Variants in SNX18 observed in about 807,000 individuals in gnomAD.
SNX18 encodes the protein sorting nexin 18, also known as sorting nexin-18.
A neutral mutation model predicts 48.7 loss-of-function variants in SNX18; 35 were observed. That is an observed-to-expected ratio of 0.72 (90% CI 0.55 to 0.95). SNX18 has a LOEUF of 0.95. Among genes scored for constraint, SNX18 ranks in the 40% least tolerant of loss-of-function variants. The pLI is 0.00. For missense variants in SNX18, 824 were observed against 871.0 expected (o/e 0.95, Z 0.68); for synonymous variants, 492 against 384.7 (o/e 1.28, Z -3.26).
the SNX18 span, among the ~76,000 whole-genome samples, chr5:54,559,432 C>A: frequency 6.6e-6 from 1 of 152,128 alleles, no homozygotes; most frequent in Non-Finnish European, 1.5e-5. Context: ...CACCTACAAC[C>A]ATCTGATTAG....
At chr5:54,608,299 C>T in the SNX18 span, among the ~76,000 whole-genome samples, 2 of 152,134 alleles carry the variant, frequency 1.3e-5, no homozygotes, top group Admixed American at 6.6e-5. Context: ...GCTTATTTGC[C>T]ATCCGTATAG....
At chr5:54,565,617 T>TTATAAAGG in the SNX18 span, among the ~76,000 whole-genome samples, 1 of 152,154 alleles carries the variant, frequency 6.6e-6, no homozygotes, top group Non-Finnish European at 1.5e-5. Flanking sequence ...ATACAGGTAT[T>TTATAAAGG]CATGATATTG....
the SNX18 span, among the ~76,000 whole-genome samples, chr5:54,615,126 G>A: frequency 6.6e-6 from 1 of 152,316 alleles, no homozygotes; most frequent in African/African-American, 2.4e-5. Context: ...CTGGGAGGAA[G>A]CCTGACCCTT....
the SNX18 span, among the ~76,000 whole-genome samples, chr5:54,557,326 C>G: frequency 6.6e-6 from 1 of 152,190 alleles, no homozygotes; most frequent in Admixed American, 6.5e-5. Context: ...CCATCCATTG[C>G]AACTTATGTG....
intron 1 of SNX18, among the ~76,000 whole-genome samples, chr5:54,524,672 A>G (rs1416631063): frequency 6.6e-6 from 1 of 152,244 alleles, no homozygotes; most frequent in Non-Finnish European, 1.5e-5. Flanking sequence ...ATCATTAACT[A>G]AAGGATTATA....
chr5:54,565,298 G>A, the SNX18 span, among the ~76,000 whole-genome samples: 2,171 of 152,250 alleles, frequency 0.014, 64 homozygotes, highest in African/African-American at 0.049. Flanking sequence ...AGTCCATCCC[G>A]TAGAAAGAAT....
chr5:54,536,972 G>C lies in SNX18; in HGVS notation c.1622-6207G>C, dbSNP rs777890402. Among the ~76,000 whole-genome samples, 93 of 152,160 alleles carry C rather than the reference G, an allele frequency of 6.1e-4. 2 individuals carry two copies. The highest frequency in any genetic ancestry group is 2.1e-4 in the Non-Finnish European group (14 of 68,034). ...TTGTGGTTTTGATTTGCATTTCTCTGATGGCCAGTGATGATGAACATTTCT... is the reference window on the plus strand; with the variant it reads ...TTGTGGTTTTGATTTGCATTTCTCTCATGGCCAGTGATGATGAACATTTCT... On this transcript the variant is annotated intron_variant, in intron 1 of 1. Coordinates refer to ENST00000381410, the MANE Select transcript of SNX18 (RefSeq NM_001102575.2).
At chr5:54,525,140 GC>G (rs1762108060) in intron 1 of SNX18, among the ~76,000 whole-genome samples, 2 of 152,212 alleles carry the variant, frequency 1.3e-5, no homozygotes, top group Admixed American at 1.3e-4. Context: ...CTTATCTTTG[GC>G]CAAGTGGGGG....
At chr5:54,595,385 G>A in the SNX18 span, among the ~76,000 whole-genome samples, 1 of 151,990 alleles carries the variant, frequency 6.6e-6, no homozygotes, top group African/African-American at 2.4e-5. Flanking sequence ...ACAGGCACGC[G>A]CCACCATGCC....
the SNX18 span, among the ~76,000 whole-genome samples, chr5:54,589,979 T>C: frequency 6.6e-6 from 1 of 152,182 alleles, no homozygotes; most frequent in Non-Finnish European, 1.5e-5. Context: ...TTTGTGGAGA[T>C]GTGCATTTAC....
the SNX18 span, among the ~76,000 whole-genome samples, chr5:54,582,026 C>A: frequency 7.8e-4 from 119 of 152,304 alleles, no homozygotes; most frequent in Admixed American, 2.0e-3. Context: ...AAGAAAGCCA[C>A]TGTGTTCAAG....
the SNX18 span, among the ~76,000 whole-genome samples, chr5:54,608,565 C>T: frequency 6.6e-6 from 1 of 152,066 alleles, no homozygotes; most frequent in African/African-American, 2.4e-5. Context: ...GGATTGTGAC[C>T]TGTTTGTGTA....
In SNX18 at chr5:54,542,518, A is replaced by G. The variant is rs562938665; in HGVS notation, c.1622-661A>G. Among the ~76,000 whole-genome samples the G allele has an allele frequency of 9.8e-5, 15 of 152,334 alleles. No individual in the cohort carries two copies. The East Asian group carries it at 2.7e-3, about 27-fold the overall frequency. ...TTCGCAATTCACCCCTTCACCAGGC[A>G]CTTTCTGTGTGCTGAGCACTTCAGC... is the stretch of plus-strand genomic sequence containing the variant. On this transcript the variant is annotated intron_variant, in intron 1 of 1. Coordinates refer to ENST00000381410, the MANE Select transcript of SNX18 (RefSeq NM_001102575.2).
chr5:54,590,460 C>T, the SNX18 span, among the ~76,000 whole-genome samples: 2 of 152,084 alleles, frequency 1.3e-5, no homozygotes, highest in Non-Finnish European at 2.9e-5. Flanking sequence ...GCAGAAACTG[C>T]AACAGATAAG....
At chr5:54,528,250 A>G (rs1762175180) in intron 1 of SNX18, among the ~76,000 whole-genome samples, 1 of 151,274 alleles carries the variant, frequency 6.6e-6, no homozygotes, top group Non-Finnish European at 1.5e-5. Context: ...CAGAGAATAC[A>G]TTCACCTTGT....
At chr5:54,599,394 C>T in the SNX18 span, among the ~76,000 whole-genome samples, 9 of 152,090 alleles carry the variant, frequency 5.9e-5, no homozygotes, top group East Asian at 3.9e-4. Context: ...ATCATGAAAA[C>T]GGCCATACTA....
chr5:54,518,181 C>G lies in SNX18; in HGVS notation c.229C>G (p.Arg77Gly). ...AGACGGCGGCCCGGGCGCCCCGGCC[C>G]GCTACGCCAATGTGCCCCCCGGGGG... ...AGDGGPGAPA[R>G]YANVPPGGFE... Residue 77 changes from arginine to glycine, a missense_variant, in exon 1 of 2, where the codon CGC (arginine) becomes GGC (glycine). Arg to Gly is a moderately radical substitution (Grantham distance 125, BLOSUM62 -2). Around this residue, in one of 3 missense-constraint regions of SNX18, gnomAD observed 377 missense variants for 350.6 expected, o/e 1.08. Transcript: ENST00000381410. 1 of 1,387,120 alleles carries G rather than the reference C, an allele frequency of 7.2e-7. No individual in the cohort carries two copies. The highest frequency in any genetic ancestry group is 1.6e-5 in the South Asian group (1 of 61,014). 85.9% of individuals were successfully genotyped at this position (1,387,120 alleles called of 1,614,324 possible). A position where few individuals can be genotyped will look rare whatever the true frequency, so the allele number is the denominator to read the frequency against.
the SNX18 span, among the ~76,000 whole-genome samples, chr5:54,641,088 G>T: frequency 6.6e-6 from 1 of 152,008 alleles, no homozygotes; most frequent in African/African-American, 2.4e-5. Context: ...TCAGGAAGGA[G>T]TATACAGAAG....
At chr5:54,639,529 T>C in the SNX18 span, among the ~76,000 whole-genome samples, 1 of 152,226 alleles carries the variant, frequency 6.6e-6, no homozygotes, top group African/African-American at 2.4e-5. Flanking sequence ...CCAAGTATAG[T>C]CTAAATGTAT....
Sources: gnomAD v4.1 joint callset for allele counts (sites outside exome capture counted in the v4.1 genomes callset) on GRCh38, gnomAD v4.1.1 for gene constraint, gnomAD v4.1.1 regional missense constraint, MANE v1.5 for transcripts, NCBI Gene and HGNC (gene_info 2026-07-23, HGNC 2026-07-21) for gene names.